Variants in NRXN1 observed in about 807,000 individuals in gnomAD.
The protein encoded by NRXN1 is neurexin-1.
In NRXN1, 39 loss-of-function variants were observed where a neutral mutation model predicts 150.9. The observed-to-expected ratio is 0.26, with a 90% CI of 0.20 to 0.34. The LOEUF (loss-of-function observed/expected upper bound fraction) is 0.34. NRXN1 is among the 10% of genes least tolerant of loss of function. NRXN1 has a pLI of 1.00. For missense variants in NRXN1, 1,815 were observed against 1,949.9 expected (o/e 0.93, Z 1.30); for synonymous variants, 924 against 757.0 (o/e 1.22, Z -3.62).
intron 19 of NRXN1, among the ~76,000 whole-genome samples, chr2:50,069,971 C>T (rs1199583395): frequency 1.3e-5 from 2 of 151,778 alleles, no homozygotes; most frequent in Middle Eastern, 3.2e-3. Flanking sequence ...CTGCCTCAGC[C>T]TCCCGAGTAG....
chr2:50,736,385 C>T (rs1002636874), intron 5 of NRXN1, among the ~76,000 whole-genome samples: 3 of 152,262 alleles, frequency 2.0e-5, no homozygotes, highest in Middle Eastern at 3.4e-3. Flanking sequence ...TTCTTCCTGA[C>T]ATAGATGCAA....
chr2:50,517,244 A>G (rs2105090975), intron 12 of NRXN1, among the ~76,000 whole-genome samples: 1 of 152,276 alleles, frequency 6.6e-6, no homozygotes, highest in Non-Finnish European at 1.5e-5. Context: ...TAAGCTTTCA[A>G]TTATAGTAGT....
intron 8 of NRXN1, among the ~76,000 whole-genome samples, chr2:50,604,790 T>G (rs1345719514): frequency 1.3e-5 from 2 of 151,922 alleles, no homozygotes; most frequent in Non-Finnish European, 2.9e-5. Flanking sequence ...GTAATTACAA[T>G]GAATCTACAC....
At chr2:50,496,162 A>T (rs1363717814) in intron 14 of NRXN1, 67 bp from the exon 15 acceptor site, 21 of 1,265,382 alleles carry the variant, frequency 1.7e-5, no homozygotes, top group Non-Finnish European at 2.2e-5. Context: ...TAAAGTAGAT[A>T]TTACAAATGG....
chr2:50,693,242 A>C (rs935091269), intron 5 of NRXN1, among the ~76,000 whole-genome samples: 1 of 152,218 alleles, frequency 6.6e-6, no homozygotes, highest in African/African-American at 2.4e-5. Context: ...TGGTAGAGTA[A>C]TTAACAGAAA....
chr2:50,515,257 A>C (rs2092595182), intron 12 of NRXN1, among the ~76,000 whole-genome samples: 1 of 152,116 alleles, frequency 6.6e-6, no homozygotes, highest in Non-Finnish European at 1.5e-5. Flanking sequence ...ACTGTCTCCC[A>C]TTACCCTCAG....
intron 21 of NRXN1, among the ~76,000 whole-genome samples, chr2:49,959,222 G>C (rs1182765207): frequency 6.6e-6 from 1 of 152,052 alleles, no homozygotes; most frequent in Non-Finnish European, 1.5e-5. Flanking sequence ...GCCTCCTTTT[G>C]TGTTCCACTG....
chr2:50,128,664 C>G (rs1704973121), intron 18 of NRXN1, among the ~76,000 whole-genome samples: 1 of 151,934 alleles, frequency 6.6e-6, no homozygotes, highest in Admixed American at 6.6e-5. Context: ...AAATATAAGT[C>G]TTAATAAGCA....
At chr2:50,098,925 G>A (rs555536630) in intron 18 of NRXN1, among the ~76,000 whole-genome samples, 37 of 121,760 alleles carry the variant, frequency 3.0e-4, no homozygotes, top group African/African-American at 1.1e-3. Flanking sequence ...GGAATCAGAA[G>A]TGGGCAAGAT....
chr2:50,303,053 T>C (rs71407590), intron 17 of NRXN1, among the ~76,000 whole-genome samples: 2,121 of 152,288 alleles, frequency 0.014, 25 homozygotes, highest in Non-Finnish European at 0.019. Flanking sequence ...GAACTCAGTC[T>C]GCCTAGAACA....
chr2:50,921,972 T>G, intron 4 of NRXN1, 92 bp from the exon 5 acceptor site: 1 of 639,042 alleles, frequency 1.6e-6, no homozygotes, highest in Non-Finnish European at 2.5e-6. Flanking sequence ...TATGAACATA[T>G]GTAAAGCCAC....
At chr2:50,166,912 T>C (rs1328888533) in intron 18 of NRXN1, among the ~76,000 whole-genome samples, 1 of 151,872 alleles carries the variant, frequency 6.6e-6, no homozygotes. Flanking sequence ...GAGGGTAGAG[T>C]GGTAGAGTTT....
At chr2:50,805,725 T>C (rs1376028464) in intron 5 of NRXN1, among the ~76,000 whole-genome samples, 2 of 152,164 alleles carry the variant, frequency 1.3e-5, no homozygotes, top group African/African-American at 2.4e-5. Context: ...CGATGCATTA[T>C]TAAAAAATAG....
At chr2:50,132,841 G>C (rs1371459425) in intron 18 of NRXN1, among the ~76,000 whole-genome samples, 2 of 141,282 alleles carry the variant, frequency 1.4e-5, no homozygotes, top group East Asian at 4.2e-4. Context: ...AGTTCTGAAA[G>C]TCTGGATTTA....
chr2:50,204,135 C>T (rs2062392037), intron 18 of NRXN1, among the ~76,000 whole-genome samples: 1 of 151,892 alleles, frequency 6.6e-6, no homozygotes, highest in Admixed American at 6.6e-5. Flanking sequence ...GAATAAGGAT[C>T]ACAATAACAT....
chr2:50,477,862 T>G (rs1232185887), intron 15 of NRXN1, among the ~76,000 whole-genome samples: 1 of 152,150 alleles, frequency 6.6e-6, no homozygotes, highest in African/African-American at 2.4e-5. Context: ...TCTAGACACT[T>G]CATTTTAAGA....
chr2:50,279,478 C>T (rs575309669), intron 17 of NRXN1, among the ~76,000 whole-genome samples: 2 of 152,186 alleles, frequency 1.3e-5, no homozygotes, highest in Non-Finnish European at 2.9e-5. Context: ...TCCTTTTTCA[C>T]CAAAATTTAA....
intron 17 of NRXN1, among the ~76,000 whole-genome samples, chr2:50,274,848 A>C (rs1485382412): frequency 6.6e-6 from 1 of 152,126 alleles, no homozygotes; most frequent in Non-Finnish European, 1.5e-5. Flanking sequence ...CGAAGCCTAC[A>C]ATCTGTAGGC....
intron 5 of NRXN1, among the ~76,000 whole-genome samples, chr2:50,788,592 TGAGAGAGAGAGACAGAGA>T (rs1705477875): frequency 1.3e-5 from 2 of 151,408 alleles, no homozygotes; most frequent in Admixed American, 1.3e-4. Flanking sequence ...CATGTGCGTG[TGAGAGAGAGAGACAGAGA>T]GAGAGAGAGA....
Sources: gnomAD v4.1 joint callset for allele counts (sites outside exome capture counted in the v4.1 genomes callset) on GRCh38, gnomAD v4.1.1 for gene constraint, MANE v1.5 for transcripts, NCBI Gene and HGNC (gene_info 2026-07-23, HGNC 2026-07-21) for gene names.